The following ZBTB16 variants were observed in gnomAD, a reference collection of about 807,000 sequenced individuals.
ZBTB16 encodes zinc finger and BTB domain-containing protein 16.
ZBTB16 carries 8 observed loss-of-function variants against 56.8 expected under a neutral mutation model. The ratio of observed to expected loss-of-function variants is 0.14; its 90% CI spans 0.08 to 0.25. The LOEUF is 0.25. Ranked by LOEUF, ZBTB16 falls within the 10% of genes least tolerant of loss-of-function variation. The probability of loss-of-function intolerance (pLI) is 1.00; values close to 1 mark genes in which losing one functional copy is unlikely to be tolerated. For missense variants in ZBTB16, 625 were observed against 903.0 expected (o/e 0.69, Z 3.95); for synonymous variants, 363 against 368.5 (o/e 0.98, Z 0.17).
At chr11:114,242,736 G>A (rs1944736248) in intron 5 of ZBTB16, among the ~76,000 whole-genome samples, 1 of 152,098 alleles carries the variant, frequency 6.6e-6, no homozygotes, top group South Asian at 2.1e-4. Flanking sequence ...AACATTGTCT[G>A]CCCTGCCTCC....
chr11:114,148,611 A>C (rs1942202761), intron 2 of ZBTB16, among the ~76,000 whole-genome samples: 1 of 151,332 alleles, frequency 6.6e-6, no homozygotes, highest in African/African-American at 2.4e-5. Context: ...CTCCTGCCTC[A>C]GCCTCCTGAG....
intron 2 of ZBTB16, among the ~76,000 whole-genome samples, chr11:114,138,081 G>A (rs1055696632): frequency 1.3e-5 from 2 of 152,170 alleles, no homozygotes; most frequent in African/African-American, 2.4e-5. Context: ...CAGCCCCAGC[G>A]GCCAGGCTCT....
intron 3 of ZBTB16, among the ~76,000 whole-genome samples, chr11:114,157,405 A>G (rs1050639696): frequency 2.6e-5 from 4 of 152,196 alleles, no homozygotes; most frequent in African/African-American, 9.7e-5. Context: ...AATTTTTTGG[A>G]GGATTAAGTG....
intron 2 of ZBTB16, among the ~76,000 whole-genome samples, chr11:114,089,609 C>A (rs1299710072): frequency 6.6e-6 from 1 of 152,216 alleles, no homozygotes; most frequent in Admixed American, 6.5e-5. Context: ...CCTCCTCTCT[C>A]CAGCCTGGGC....
intron 3 of ZBTB16, among the ~76,000 whole-genome samples, chr11:114,177,900 A>T (rs1026274564): frequency 6.6e-6 from 1 of 152,204 alleles, no homozygotes; most frequent in African/African-American, 2.4e-5. Context: ...AAAAATCTGC[A>T]ACAAATTTAC....
chr11:114,232,894 C>G (rs923650421), intron 4 of ZBTB16, among the ~76,000 whole-genome samples: 1 of 152,116 alleles, frequency 6.6e-6, no homozygotes, highest in African/African-American at 2.4e-5. Context: ...CCTGCGGGCT[C>G]CAGGCTTCTC....
chr11:114,072,045 A>T (rs2852793), intron 2 of ZBTB16, among the ~76,000 whole-genome samples: 98,588 of 152,174 alleles, frequency 0.65, 35,138 homozygotes, highest in Non-Finnish European at 0.81. Flanking sequence ...CGGTGGCACA[A>T]AGTAAGTGCT....
intron 2 of ZBTB16, among the ~76,000 whole-genome samples, chr11:114,078,264 G>T (rs1025885387): frequency 2.0e-5 from 3 of 152,180 alleles, no homozygotes; most frequent in Non-Finnish European, 4.4e-5. Context: ...GATGGGAAAG[G>T]GTGGAGGTTA....
chr11:114,164,862 C>T (rs531875932), intron 3 of ZBTB16, among the ~76,000 whole-genome samples: 38 of 152,162 alleles, frequency 2.5e-4, no homozygotes, highest in African/African-American at 9.2e-4. Context: ...CTCTTCTCTT[C>T]TCCTTCTATT....
chr11:114,242,361 G>A, intron 5 of ZBTB16, 24 bp downstream of exon 5: 1 of 1,611,758 alleles, frequency 6.2e-7, no homozygotes, highest in Non-Finnish European at 8.5e-7. Context: ...GCTGATGGGT[G>A]GATCTGGGTC....
chr11:114,069,014 G>A (rs924535875), intron 2 of ZBTB16, among the ~76,000 whole-genome samples: 1 of 152,190 alleles, frequency 6.6e-6, no homozygotes, highest in Admixed American at 6.5e-5. Context: ...CTGGTTTCTG[G>A]ATCTTATACA....
In ZBTB16 at chr11:114,167,243, T is replaced by TTG. The variant is rs1565663252; in HGVS notation, c.1366+10810_1366+10811insGT. ...TTTTTTTTTTTTTGGTTTTTTTTTT[T>TTG]TTTTTTTTTTGACAAGCTTGGTTTT... is the stretch of plus-strand genomic sequence containing the variant. On this transcript the variant is annotated intron_variant, in intron 3 of 6. Coordinates refer to ENST00000335953, the MANE Select transcript of ZBTB16 (RefSeq NM_006006.6). 5.3e-4 allele frequency among the ~76,000 whole-genome samples: 74 copies of TTG among 139,188 alleles called. 1 individual carries two copies. The South Asian group carries it at 1.0e-2, about 19-fold the overall frequency. The allele number at this position is 139,188 out of a possible 152,430, so 91.3% of individuals were successfully genotyped here. A position where few individuals can be genotyped will look rare whatever the true frequency, so the allele number is the denominator to read the frequency against.
intron 2 of ZBTB16, among the ~76,000 whole-genome samples, chr11:114,102,404 GT>G (rs901477984): frequency 1.8e-4 from 27 of 151,942 alleles, no homozygotes; most frequent in African/African-American, 4.6e-4. Context: ...TCCTTGGTGA[GT>G]TTTTTTTACT....
intron 2 of ZBTB16, among the ~76,000 whole-genome samples, chr11:114,081,159 A>G (rs575860104): frequency 6.6e-6 from 1 of 152,136 alleles, no homozygotes; most frequent in Non-Finnish European, 1.5e-5. Context: ...AGGGGTAGGC[A>G]AGACTAGAAT....
At chr11:114,227,581 C>A (rs1944355885) in intron 4 of ZBTB16, among the ~76,000 whole-genome samples, 1 of 152,214 alleles carries the variant, frequency 6.6e-6, no homozygotes, top group African/African-American at 2.4e-5. Context: ...AGCTTTCATT[C>A]TGACAGGTGG....
intron 2 of ZBTB16, among the ~76,000 whole-genome samples, chr11:114,069,187 G>C (rs924295876): frequency 6.6e-6 from 1 of 152,138 alleles, no homozygotes; most frequent in African/African-American, 2.4e-5. Context: ...CCAGGTTCAC[G>C]CTATTCTCCT....
chr11:114,191,690 C>T (rs914934478), intron 4 of ZBTB16, among the ~76,000 whole-genome samples: 1 of 152,188 alleles, frequency 6.6e-6, no homozygotes, highest in Admixed American at 6.5e-5. Flanking sequence ...TCGCTGTGCC[C>T]TATTTAAGAC....
chr11:114,110,380 G>T (rs114870220), intron 2 of ZBTB16, among the ~76,000 whole-genome samples: 3 of 152,160 alleles, frequency 2.0e-5, no homozygotes, highest in Admixed American at 6.5e-5. Context: ...TTTCTTTTTC[G>T]TAGGGGAATC....
At chr11:114,127,886 C>A (rs994967069) in intron 2 of ZBTB16, among the ~76,000 whole-genome samples, 7 of 152,264 alleles carry the variant, frequency 4.6e-5, no homozygotes, top group Middle Eastern at 3.4e-3. Flanking sequence ...CGCACCTAAG[C>A]TCAGCACATG....
Sources: allele counts gnomAD v4.1 joint callset (sites outside exome capture counted in the v4.1 genomes callset), GRCh38; gene constraint gnomAD v4.1.1; transcripts MANE v1.5; gene names NCBI Gene and HGNC (gene_info 2026-07-23, HGNC 2026-07-21).